CLIC5: variants seen among roughly 807,000 people sequenced by gnomAD.
CLIC5 encodes the protein CLIC family member 5.
In CLIC5, 20 loss-of-function variants were observed where a neutral mutation model predicts 24.7. The ratio of observed to expected loss-of-function variants is 0.81; its 90% confidence interval spans 0.57 to 1.18. The LOEUF (loss-of-function observed/expected upper bound fraction) is 1.18, where lower values mean the gene tolerates loss of function less well. CLIC5 is among the 50% of genes most tolerant of loss of function. The pLI, the probability that CLIC5 is intolerant of heterozygous loss-of-function variation, is 0.00. For missense variants in CLIC5, 341 were observed against 326.1 expected (o/e 1.05, Z -0.35); for synonymous variants, 159 against 135.6 (o/e 1.17, Z -1.20).
chr6:45,948,677 G>A (rs1403010945), intron 3 of CLIC5, among the ~76,000 whole-genome samples: 1 of 152,108 alleles, frequency 6.6e-6, no homozygotes, highest in Non-Finnish European at 1.5e-5. Flanking sequence ...TCCATCAGTA[G>A]CAATGTGTCA....
intron 1 of CLIC5, among the ~76,000 whole-genome samples, chr6:46,011,146 T>A (rs2127442479): frequency 6.6e-6 from 1 of 152,314 alleles, no homozygotes; most frequent in East Asian, 1.9e-4. Flanking sequence ...CATGCTGAAT[T>A]GATGATTCTT....
chr6:45,974,139 G>C (rs777436091), intron 1 of CLIC5, among the ~76,000 whole-genome samples: 5 of 151,946 alleles, frequency 3.3e-5, no homozygotes, highest in Non-Finnish European at 5.9e-5. Context: ...CGTATTGTAC[G>C]TGTGAGAGAG....
At chr6:46,011,589 C>T (rs1339936737) in intron 1 of CLIC5, among the ~76,000 whole-genome samples, 2 of 152,164 alleles carry the variant, frequency 1.3e-5, no homozygotes, top group Non-Finnish European at 2.9e-5. Flanking sequence ...AACCTCAGTT[C>T]CTGGCTGAAG....
chr6:46,025,148 C>T (rs1184492570), intron 1 of CLIC5, among the ~76,000 whole-genome samples: 1 of 152,070 alleles, frequency 6.6e-6, no homozygotes, highest in Admixed American at 6.6e-5. Flanking sequence ...GGTGGTTCAA[C>T]CTCTCGGAGC....
the CLIC5 span, among the ~76,000 whole-genome samples, chr6:46,114,361 ACTG>A: frequency 6.6e-6 from 1 of 152,176 alleles, no homozygotes; most frequent in East Asian, 1.9e-4. Flanking sequence ...TATTGGCAGC[ACTG>A]CTCATTACCG....
the CLIC5 span, among the ~76,000 whole-genome samples, chr6:46,094,489 A>C: frequency 6.6e-6 from 1 of 152,236 alleles, no homozygotes. Context: ...CCTGTTCCAA[A>C]AGGAGAAATT....
At chr6:46,089,880 A>C in the CLIC5 span, among the ~76,000 whole-genome samples, 6 of 152,214 alleles carry the variant, frequency 3.9e-5, no homozygotes, top group South Asian at 1.0e-3. Flanking sequence ...CGACGCTGAT[A>C]GTTACTCTAA....
chr6:46,075,452 G>A (rs1303616935), intron 1 of CLIC5, among the ~76,000 whole-genome samples: 1 of 152,108 alleles, frequency 6.6e-6, no homozygotes. Context: ...GGGTATGGTG[G>A]TGCACACCTG....
intron 1 of CLIC5, among the ~76,000 whole-genome samples, chr6:45,989,923 C>T (rs1202359176): frequency 6.6e-6 from 1 of 152,180 alleles, no homozygotes; most frequent in African/African-American, 2.4e-5. Flanking sequence ...CATGCACTCT[C>T]TCCAGCGACG....
chr6:45,904,119 C>G (rs577021481), intron 5 of CLIC5, among the ~76,000 whole-genome samples: 1 of 152,260 alleles, frequency 6.6e-6, no homozygotes, highest in East Asian at 1.9e-4. Flanking sequence ...GATTTGCAAT[C>G]ATGGCTCCAC....
intron 1 of CLIC5, chr6:46,079,660 A>G: frequency 6.8e-7 from 1 of 1,479,704 alleles, no homozygotes; most frequent in Non-Finnish European, 9.1e-7. Flanking sequence ...ACCAGCCATA[A>G]TATCTGCATG....
chr6:45,954,917 G>A (rs1193626851), intron 2 of CLIC5, among the ~76,000 whole-genome samples: 9 of 152,174 alleles, frequency 5.9e-5, no homozygotes, highest in South Asian at 2.1e-4. Context: ...TTTGCTAATC[G>A]TAACTTGCTA....
chr6:46,122,575 A>T, the CLIC5 span, among the ~76,000 whole-genome samples: 10 of 152,214 alleles, frequency 6.6e-5, no homozygotes, highest in Non-Finnish European at 8.8e-5. Context: ...AGAAATAACT[A>T]AGATCAGAGC....
At chr6:45,918,891 TTCA>T (rs1763138476) in intron 4 of CLIC5, 2 of 928,358 alleles carry the variant, frequency 2.2e-6, no homozygotes, top group Non-Finnish European at 2.6e-6. Context: ...GAAAATATTA[TTCA>T]TCGTCATTCA....
At chr6:46,092,249 G>A in the CLIC5 span, among the ~76,000 whole-genome samples, 1 of 152,132 alleles carries the variant, frequency 6.6e-6, no homozygotes, top group African/African-American at 2.4e-5. Context: ...CAAAACCCAC[G>A]TTTTCACACT....
At chr6:46,107,317 G>A in the CLIC5 span, among the ~76,000 whole-genome samples, 1 of 152,216 alleles carries the variant, frequency 6.6e-6, no homozygotes, top group Non-Finnish European at 1.5e-5. Flanking sequence ...GTCTAGGCAA[G>A]TGACCACGGT....
In CLIC5 at chr6:46,030,464, A is replaced by G. The variant is rs145417349; in HGVS notation, c.540+49239T>C. ...TCTTGGCCACCCATTTCATCCCTCA[A>G]ATCCATCCTTCTCTTGGTAGCCAGG... On this transcript the variant is annotated intron_variant, in intron 1 of 5. Coordinates refer to the CLIC5 transcript ENST00000185206. Among the ~76,000 whole-genome samples the G allele has an allele frequency of 3.6e-3, 543 of 152,128 alleles. 2 individuals carry two copies. Among genetic ancestry groups the G allele is most frequent in the Non-Finnish European group, 5.0e-3 (338 of 67,994 alleles).
intron 1 of CLIC5, among the ~76,000 whole-genome samples, chr6:45,971,894 T>A (rs1228595232): frequency 6.6e-6 from 1 of 152,210 alleles, no homozygotes; most frequent in Non-Finnish European, 1.5e-5. Flanking sequence ...TTTTCCCCTA[T>A]GTCCTCCTAG....
At chr6:46,089,443 T>C in the CLIC5 span, among the ~76,000 whole-genome samples, 1 of 152,092 alleles carries the variant, frequency 6.6e-6, no homozygotes, top group South Asian at 2.1e-4. Flanking sequence ...CCCTATGCAA[T>C]AATGTTTGTG....
Sources: allele counts gnomAD v4.1 joint callset (sites outside exome capture counted in the v4.1 genomes callset), GRCh38; gene constraint gnomAD v4.1.1; transcripts MANE v1.5; gene names NCBI Gene and HGNC (gene_info 2026-07-23, HGNC 2026-07-21).